NRG2: variants seen among roughly 807,000 people sequenced by gnomAD.
NRG2 encodes the protein neuregulin 2.
A neutral mutation model predicts 73.9 loss-of-function variants in NRG2; 27 were observed. The observed-to-expected ratio is 0.37, with a 90% CI of 0.27 to 0.50. The LOEUF (loss-of-function observed/expected upper bound fraction) is 0.50, where lower values mean the gene tolerates loss of function less well. Among genes scored for constraint, NRG2 ranks in the 20% least tolerant of loss-of-function variants. The pLI is 0.96. For missense variants in NRG2, 1,126 were observed against 1,210.1 expected (o/e 0.93, Z 1.03); for synonymous variants, 532 against 541.0 (o/e 0.98, Z 0.23).
At chr5:139,932,314 A>G (rs897173711) in intron 1 of NRG2, among the ~76,000 whole-genome samples, 8 of 152,148 alleles carry the variant, frequency 5.3e-5, no homozygotes, top group Admixed American at 3.3e-4. Context: ...GCCATTTGCC[A>G]CATCATGATG....
chr5:139,858,894 T>C (rs1761968259), intron 5 of NRG2, among the ~76,000 whole-genome samples: 1 of 152,114 alleles, frequency 6.6e-6, no homozygotes, highest in Non-Finnish European at 1.5e-5. Flanking sequence ...ACACAAACTT[T>C]GCAATCTATC....
At chr5:139,935,474 A>C (rs1282625268) in intron 1 of NRG2, among the ~76,000 whole-genome samples, 1 of 152,218 alleles carries the variant, frequency 6.6e-6, no homozygotes, top group Non-Finnish European at 1.5e-5. Flanking sequence ...CATACTACAA[A>C]TCTCAATAAA....
intron 1 of NRG2, among the ~76,000 whole-genome samples, chr5:140,042,165 G>A (rs1490899492): frequency 2.4e-5 from 3 of 122,834 alleles, no homozygotes; most frequent in African/African-American, 9.7e-5. Context: ...CCCCACCCCT[G>A]GCACACTTTG....
chr5:139,871,966 G>A, intron 3 of NRG2, 125 bp from the exon 4 acceptor site: 1 of 1,342,544 alleles, frequency 7.4e-7, no homozygotes, highest in Non-Finnish European at 1.0e-6. Context: ...GACTGGGGAG[G>A]GGAGGTCTGG....
Position 139,906,776 on chromosome 5 carries a change from T to C in NRG2, c.701-19265A>G, listed in dbSNP as rs1765259602. Among the ~76,000 whole-genome samples the C allele has an allele frequency of 2.0e-5, 3 of 152,224 alleles. No homozygotes were observed. In the South Asian group the frequency reaches 6.2e-4, roughly 31 times the overall value. On this transcript the variant is annotated intron_variant, in intron 1 of 9. Transcript: ENST00000361474. ...TGCATTCAACAAACCTTTATATATG[T>C]TGACACACAGCTTGACAGAGGGAAC...
At chr5:139,944,841 A>G (rs1407681224) in intron 1 of NRG2, among the ~76,000 whole-genome samples, 1 of 152,194 alleles carries the variant, frequency 6.6e-6, no homozygotes, top group African/African-American at 2.4e-5. Flanking sequence ...ACTGTTTTCC[A>G]TAGTGGCTGT....
intron 1 of NRG2, among the ~76,000 whole-genome samples, chr5:140,037,526 G>T (rs1291818090): frequency 2.0e-5 from 3 of 152,194 alleles, no homozygotes; most frequent in Non-Finnish European, 4.4e-5. Context: ...CTTGGGCCAG[G>T]TTAAGAAAAT....
intron 1 of NRG2, among the ~76,000 whole-genome samples, chr5:140,032,072 T>C (rs1168730567): frequency 1.3e-5 from 2 of 152,140 alleles, no homozygotes; most frequent in African/African-American, 2.4e-5. Context: ...AATTGTCTAC[T>C]AGGCAAAAAG....
chr5:139,967,115 A>G (rs1398164581), intron 1 of NRG2, among the ~76,000 whole-genome samples: 1 of 152,196 alleles, frequency 6.6e-6, no homozygotes, highest in African/African-American at 2.4e-5. Flanking sequence ...TGCATAGCCC[A>G]CGGGGATAGG....
At position 139,853,393 on chromosome 5, in the gene NRG2, C is replaced by CTGACT. The variant is rs1761595778; in HGVS notation, c.1293-371_1293-367dup. Among the ~76,000 whole-genome samples the CTGACT allele has an allele frequency of 6.6e-6, 1 of 152,210 alleles. No individual in the cohort carries two copies. Among genetic ancestry groups the CTGACT allele is most frequent in the Admixed American group, 6.5e-5 (1 of 15,278 alleles). ...GTATATGAAACATTCAAGCACAGTGCTGACTCCCTCTCTCTCTCCCTCATT... is the reference window on the plus strand; with the variant it reads ...GTATATGAAACATTCAAGCACAGTGCTGACTTGACTCCCTCTCTCTCTCCCTCATT... On this transcript the variant is annotated intron_variant, in intron 6 of 9. Coordinates refer to ENST00000361474, the MANE Select transcript of NRG2 (RefSeq NM_004883.3). This position sits in a 1 kb window ranked among gnomAD's most constrained non-coding sequence, Gnocchi z 4.1.
At chr5:139,989,249 A>C (rs776580085) in intron 1 of NRG2, among the ~76,000 whole-genome samples, 32 of 152,026 alleles carry the variant, frequency 2.1e-4, no homozygotes, top group Non-Finnish European at 3.7e-4. Flanking sequence ...CCACCACTGG[A>C]GAACAATGCC....
chr5:139,968,316 C>T (rs2126523628), intron 1 of NRG2, among the ~76,000 whole-genome samples: 1 of 152,332 alleles, frequency 6.6e-6, no homozygotes, highest in Non-Finnish European at 1.5e-5. Flanking sequence ...CCGTGGTGGG[C>T]CCGGAGCTGA....
At chr5:140,019,152 G>A (rs1760020885) in intron 1 of NRG2, among the ~76,000 whole-genome samples, 1 of 152,150 alleles carries the variant, frequency 6.6e-6, no homozygotes, top group South Asian at 2.1e-4. Context: ...GCAGGCCCAA[G>A]GACTCAAGGG....
chr5:140,022,132 G>C (rs942395266), intron 1 of NRG2, among the ~76,000 whole-genome samples: 4 of 152,146 alleles, frequency 2.6e-5, no homozygotes, highest in African/African-American at 9.7e-5. Flanking sequence ...TGCAGAACTA[G>C]GTACTGAACT....
intron 3 of NRG2, among the ~76,000 whole-genome samples, chr5:139,873,432 G>A (rs1287555793): frequency 6.6e-6 from 1 of 152,246 alleles, no homozygotes; most frequent in Non-Finnish European, 1.5e-5. Context: ...TCCCCTTGCT[G>A]GGAGAACCCT....
At chr5:139,960,341 CCA>C (rs1339943371) in intron 1 of NRG2, among the ~76,000 whole-genome samples, 2 of 152,094 alleles carry the variant, frequency 1.3e-5, no homozygotes, top group African/African-American at 4.8e-5. Flanking sequence ...GTGGTGAAAC[CCA>C]GTTTCTACTA....
chr5:140,026,059 G>C (rs529017825), intron 1 of NRG2, among the ~76,000 whole-genome samples: 78 of 152,306 alleles, frequency 5.1e-4, no homozygotes, highest in Non-Finnish European at 9.0e-4. Flanking sequence ...GAGGAGGCAA[G>C]AAACTGACTG....
intron 1 of NRG2, among the ~76,000 whole-genome samples, chr5:139,929,419 G>T (rs886833189): frequency 2.6e-5 from 4 of 152,192 alleles, no homozygotes; most frequent in Non-Finnish European, 5.9e-5. Flanking sequence ...AATCTTTGAT[G>T]TATGGGACGT....
Position 139,855,714 on chromosome 5 carries a change from G to A in NRG2, c.1254C>T (p.Val418=), listed in dbSNP as rs764100926. ...TITGICVALL[V]VGIVCVVAYC... ...AGGCCACCACACAGACGATGCCCAC[G>A]ACCAGCAGAGCCACGCAGATGCCCG... is the stretch of plus-strand genomic sequence containing the variant. Residue 418 remains valine (V), a synonymous_variant, in exon 6 of 10, where the codon GTC becomes GTT. Transcript: ENST00000361474. 8.7e-6 allele frequency: 14 copies of A among 1,614,020 alleles called. No individual in the cohort carries two copies. The Admixed American group carries it at 1.8e-4, about 21-fold the overall frequency.
Sources: gnomAD v4.1 joint callset for allele counts (sites outside exome capture counted in the v4.1 genomes callset) on GRCh38, gnomAD v4.1.1 for gene constraint, Gnocchi (gnomAD v3.1) non-coding constraint, MANE v1.5 for transcripts, NCBI Gene and HGNC (gene_info 2026-07-23, HGNC 2026-07-21) for gene names.